Variants in RBL1 observed in about 807,000 individuals in gnomAD.
RBL1 encodes retinoblastoma-like protein 1.
In RBL1, 82 loss-of-function variants were observed where a neutral mutation model predicts 123.0. The observed-to-expected ratio is 0.67, with a 90% confidence interval of 0.56 to 0.80. The LOEUF is 0.80. Ranked by LOEUF, RBL1 falls within the 30% of genes least tolerant of loss-of-function variation. The pLI, the probability that RBL1 is intolerant of heterozygous loss-of-function variation, is 0.00. For synonymous variants in RBL1, 405 were observed against 441.3 expected (o/e 0.92, Z 1.03); for missense variants, 1,171 against 1,299.6 (o/e 0.90, Z 1.52).
At chr20:36,999,494 C>A (rs1366852912) in intron 21 of RBL1, among the ~76,000 whole-genome samples, 2 of 150,806 alleles carry the variant, frequency 1.3e-5, no homozygotes, top group South Asian at 4.2e-4. Context: ...CTCCCTCTCC[C>A]CACGGTCTCC....
At chr20:37,041,939 G>C (rs867602090) in intron 13 of RBL1, among the ~76,000 whole-genome samples, 1 of 151,930 alleles carries the variant, frequency 6.6e-6, no homozygotes, top group Admixed American at 6.6e-5. Flanking sequence ...TGGGCGTGGT[G>C]GTGGGTGCTT....
At chr20:37,089,184 A>G in intron 1 of RBL1, 62 bp from the exon 2 acceptor site, 1 of 1,428,452 alleles carries the variant, frequency 7.0e-7, no homozygotes. Flanking sequence ...CTTTAATTCT[A>G]GAAACAAGAG....
intron 1 of RBL1, among the ~76,000 whole-genome samples, chr20:37,092,996 TAAG>T (rs1178721901): frequency 6.6e-6 from 1 of 152,118 alleles, no homozygotes; most frequent in African/African-American, 2.4e-5. Flanking sequence ...CATCTGGAGC[TAAG>T]AAGAGGAACA....
intron 11 of RBL1, among the ~76,000 whole-genome samples, chr20:37,053,949 G>GGGTA (rs1353436138): frequency 3.3e-5 from 5 of 151,832 alleles, no homozygotes; most frequent in African/African-American, 1.2e-4. Flanking sequence ...AACTATAAAG[G>GGGTA]GGTAGCAGGA....
intron 16 of RBL1, among the ~76,000 whole-genome samples, chr20:37,025,144 C>G (rs887148929): frequency 2.6e-5 from 4 of 152,150 alleles, no homozygotes; most frequent in African/African-American, 9.7e-5. Flanking sequence ...GAGTTGTTTT[C>G]CAGTGTCTGT....
chr20:37,017,805 A>AC (rs1555850112), intron 19 of RBL1, among the ~76,000 whole-genome samples: 1 of 148,964 alleles, frequency 6.7e-6, no homozygotes, highest in Non-Finnish European at 1.5e-5. Context: ...TAATTTTTGT[A>AC]TTTTTTTTTT....
intron 2 of RBL1, among the ~76,000 whole-genome samples, chr20:37,074,475 G>A (rs2065332240): frequency 6.6e-6 from 1 of 150,564 alleles, no homozygotes; most frequent in Non-Finnish European, 1.5e-5. Flanking sequence ...ATCCAAGCAA[G>A]TACATGAAAA....
At chr20:37,000,722 G>A (rs1306542918) in intron 21 of RBL1, among the ~76,000 whole-genome samples, 10 of 130,592 alleles carry the variant, frequency 7.7e-5, no homozygotes, top group South Asian at 2.4e-4. Flanking sequence ...GAGGGAGGCG[G>A]GGAGGTCAGC....
intron 2 of RBL1, among the ~76,000 whole-genome samples, chr20:37,083,303 A>G (rs1387444641): frequency 6.6e-6 from 1 of 150,728 alleles, no homozygotes; most frequent in African/African-American, 2.4e-5. Flanking sequence ...TCCTGTCTCA[A>G]CTAAAAATAC....
chr20:37,024,824 A>G (rs896657321), intron 16 of RBL1, among the ~76,000 whole-genome samples: 2 of 152,186 alleles, frequency 1.3e-5, no homozygotes, highest in South Asian at 4.1e-4. Context: ...GGAAACTGCT[A>G]TATTTTCAAG....
intron 11 of RBL1, among the ~76,000 whole-genome samples, chr20:37,050,043 C>T (rs1014854398): frequency 1.8e-5 from 2 of 110,246 alleles, no homozygotes; most frequent in Non-Finnish European, 3.6e-5. Context: ...GCCTGGGCAA[C>T]AAGAGCGAAA....
At chr20:37,094,117 C>T (rs1212406986) in intron 1 of RBL1, among the ~76,000 whole-genome samples, 1 of 152,148 alleles carries the variant, frequency 6.6e-6, no homozygotes, top group African/African-American at 2.4e-5. Context: ...TACCACAAAA[C>T]TGGGAACAAA....
intron 16 of RBL1, among the ~76,000 whole-genome samples, chr20:37,026,003 A>G (rs999597960): frequency 4.6e-5 from 7 of 152,038 alleles, no homozygotes; most frequent in Non-Finnish European, 1.0e-4. Flanking sequence ...TTGGCCTCCC[A>G]AAGTGCTAGG....
At chr20:37,018,648 G>A (rs1054802923) in intron 18 of RBL1, among the ~76,000 whole-genome samples, 3 of 152,212 alleles carry the variant, frequency 2.0e-5, no homozygotes, top group East Asian at 3.9e-4. Context: ...CTAAATGAAA[G>A]CAACTTTAAA....
In RBL1 at chr20:37,095,857, C is replaced by A. The variant is rs1207357913; in HGVS notation, c.72G>T (p.Leu24=). 2.5e-6 allele frequency: 4 copies of A among 1,607,980 alleles called. No individual in the cohort carries two copies. The African/African-American group carries it at 5.3e-5, about 21-fold the overall frequency. Residue 24 remains leucine, a synonymous_variant, in exon 1 of 22, where the codon CTG becomes CTT. Transcript: ENST00000373664. ...VAAAGEALQA[L]CQELNLDEGS... ...CCTCGTCCAGGTTCAGCTCCTGGCA[C>A]AGGGCCTGTAGCGCCTCCCCGGCTG...
intron 2 of RBL1, among the ~76,000 whole-genome samples, chr20:37,071,812 C>T (rs975227064): frequency 6.6e-6 from 1 of 152,070 alleles, no homozygotes; most frequent in Non-Finnish European, 1.5e-5. Flanking sequence ...TGTGGCACTT[C>T]CCACCCTCAA....
rs1394355587 is a variant in RBL1 at position 37,056,251 on chromosome 20, C to T, written c.1258G>A (p.Val420Met). The change falls in exon 10 of 22, where the codon GTG (valine) becomes ATG (methionine). Residue 420 changes from valine (V) to methionine (M), a missense_variant. Val to Met is a conservative substitution (Grantham distance 21). Transcript: ENST00000373664. ...ATAATGTTTTCCACAGGATTACGCA[C>T]ACAAGATCTACAAAATACAAGAGGA... ...DQLINIFESC[V>M]RNPVENIMKI... The T allele has an allele frequency of 1.3e-6, 2 of 1,597,608 alleles. No individual in the cohort carries two copies. The highest frequency in any genetic ancestry group is 1.4e-5 in the African/African-American group (1 of 73,954).
intron 20 of RBL1, among the ~76,000 whole-genome samples, chr20:37,006,803 T>G (rs2064080364): frequency 7.2e-6 from 1 of 138,876 alleles, no homozygotes; most frequent in African/African-American, 2.7e-5. Flanking sequence ...ATCGCACCAC[T>G]GCACGCCAGC....
intron 13 of RBL1, among the ~76,000 whole-genome samples, chr20:37,042,385 A>C (rs182670927): frequency 2.6e-5 from 4 of 152,304 alleles, no homozygotes; most frequent in Admixed American, 2.6e-4. Flanking sequence ...AAGGCAGATA[A>C]TAACAAGCAT....
Sources: allele counts gnomAD v4.1 joint callset (sites outside exome capture counted in the v4.1 genomes callset), GRCh38; gene constraint gnomAD v4.1.1; transcripts MANE v1.5; gene names NCBI Gene and HGNC (gene_info 2026-07-23, HGNC 2026-07-21).